Variants in SBF2 observed in about 807,000 individuals in gnomAD.
SBF2 encodes the protein SET binding factor 2.
SBF2 carries 112 observed loss-of-function variants against 225.2 expected under a neutral mutation model. The observed-to-expected ratio is 0.50, with a 90% CI of 0.43 to 0.58. The LOEUF is 0.58. Ranked by LOEUF, SBF2 falls within the 20% of genes least tolerant of loss-of-function variation. The pLI is 0.00. For missense variants in SBF2, 1,996 were observed against 2,206.2 expected (o/e 0.90, Z 1.91); for synonymous variants, 763 against 773.3 (o/e 0.99, Z 0.22).
At chr11:10,231,851 T>G (rs1958863073) in intron 1 of SBF2, among the ~76,000 whole-genome samples, 2 of 152,192 alleles carry the variant, frequency 1.3e-5, no homozygotes, top group South Asian at 4.1e-4. Flanking sequence ...ACAGGGACAT[T>G]TAGGTCTGCA....
At chr11:9,904,972 T>C (rs1415350379) in intron 16 of SBF2, among the ~76,000 whole-genome samples, 1 of 152,200 alleles carries the variant, frequency 6.6e-6, no homozygotes, top group African/African-American at 2.4e-5. Flanking sequence ...CAGTGAGCCA[T>C]GATTGTATCA....
At chr11:9,791,799 G>A (rs539959388) in intron 33 of SBF2, among the ~76,000 whole-genome samples, 1 of 152,352 alleles carries the variant, frequency 6.6e-6, no homozygotes, top group South Asian at 2.1e-4. Flanking sequence ...GTGGTAGTCA[G>A]CCCAAGTTGA....
intron 2 of SBF2, among the ~76,000 whole-genome samples, chr11:10,148,860 G>C (rs1298066018): frequency 6.6e-6 from 1 of 152,110 alleles, no homozygotes; most frequent in Admixed American, 6.5e-5. Context: ...CCCTAATTTT[G>C]TTCTCCAGGA....
At chr11:10,252,525 C>T (rs1160306897) in intron 1 of SBF2, among the ~76,000 whole-genome samples, 5 of 152,192 alleles carry the variant, frequency 3.3e-5, no homozygotes, top group Admixed American at 6.5e-5. Flanking sequence ...AAACGCTGGC[C>T]GGGCGCGGTG....
At chr11:9,987,004 GA>G (rs1947225414) in intron 13 of SBF2, among the ~76,000 whole-genome samples, 2 of 152,104 alleles carry the variant, frequency 1.3e-5, no homozygotes, top group South Asian at 4.1e-4. Context: ...TATCCTTGAT[GA>G]ACACAGATGC....
chr11:10,107,560 C>A (rs1952608253), intron 2 of SBF2, among the ~76,000 whole-genome samples: 1 of 152,094 alleles, frequency 6.6e-6, no homozygotes, highest in Non-Finnish European at 1.5e-5. Context: ...GGCCAGGGTC[C>A]AAAATCAAAG....
At chr11:9,999,057 A>C (rs1301037255) in intron 8 of SBF2, among the ~76,000 whole-genome samples, 3 of 152,194 alleles carry the variant, frequency 2.0e-5, no homozygotes, top group African/African-American at 7.2e-5. Flanking sequence ...GAAAAAGCTG[A>C]TCTTTAGCAT....
chr11:10,175,126 A>C (rs1956396598), intron 2 of SBF2, among the ~76,000 whole-genome samples: 1 of 150,792 alleles, frequency 6.6e-6, no homozygotes. Flanking sequence ...TAACCAGCTA[A>C]CATCATAATG....
chr11:9,862,534 TTACTC>T (rs1442456105), intron 17 of SBF2, among the ~76,000 whole-genome samples: 1 of 152,216 alleles, frequency 6.6e-6, no homozygotes, highest in African/African-American at 2.4e-5. Context: ...AAGCTTTCCA[TTACTC>T]TACGTTGTTT....
chr11:10,089,728 C>G (rs1045643445), intron 2 of SBF2, among the ~76,000 whole-genome samples: 3 of 151,180 alleles, frequency 2.0e-5, no homozygotes, highest in African/African-American at 7.2e-5. Flanking sequence ...TCAAAAATTT[C>G]TGGTCCACAA....
At chr11:10,176,071 A>T (rs544812826) in intron 2 of SBF2, among the ~76,000 whole-genome samples, 1 of 125,038 alleles carries the variant, frequency 8.0e-6, no homozygotes, top group East Asian at 2.0e-4. Context: ...GAAAGATCCA[A>T]ACCGGCTCCT....
chr11:10,071,327 C>T (rs1409849455), intron 2 of SBF2, among the ~76,000 whole-genome samples: 1 of 135,010 alleles, frequency 7.4e-6, no homozygotes. Flanking sequence ...AGTGTGGTGG[C>T]GTGATCTGAG....
At chr11:10,166,961 CCACA>C (rs373552790) in intron 2 of SBF2, among the ~76,000 whole-genome samples, 3 of 125,954 alleles carry the variant, frequency 2.4e-5, no homozygotes, top group East Asian at 3.5e-4. Flanking sequence ...GACTCTGTCT[CCACA>C]CACACACACA....
At chr11:10,008,963 G>A (rs1948322871) in intron 6 of SBF2, among the ~76,000 whole-genome samples, 1 of 152,210 alleles carries the variant, frequency 6.6e-6, no homozygotes. Context: ...CACATAACCA[G>A]GAGGTTTACT....
chr11:9,991,497 C>G (rs1947436744), intron 12 of SBF2, among the ~76,000 whole-genome samples: 1 of 152,120 alleles, frequency 6.6e-6, no homozygotes, highest in Non-Finnish European at 1.5e-5. Context: ...CCACGATTCT[C>G]CAATATCTTG....
intron 14 of SBF2, among the ~76,000 whole-genome samples, chr11:9,967,389 A>C (rs1866989772): frequency 6.6e-6 from 1 of 151,374 alleles, no homozygotes; most frequent in South Asian, 2.1e-4. Flanking sequence ...AAAAAAAAAG[A>C]AACGAAATGC....
chr11:9,825,516 T>TGA (rs1855013066), intron 28 of SBF2, among the ~76,000 whole-genome samples: 2 of 152,262 alleles, frequency 1.3e-5, no homozygotes, highest in East Asian at 3.9e-4. Context: ...ATTGGAAAGA[T>TGA]GACTCAAGGA....
intron 2 of SBF2, among the ~76,000 whole-genome samples, chr11:10,146,837 T>C (rs1406435386): frequency 6.6e-6 from 1 of 152,136 alleles, no homozygotes; most frequent in Non-Finnish European, 1.5e-5. Flanking sequence ...AAAGGTCTAA[T>C]ATTCAGCAAC....
chr11:10,268,998 T>A (rs1193761303), intron 1 of SBF2, among the ~76,000 whole-genome samples: 2 of 152,174 alleles, frequency 1.3e-5, no homozygotes, highest in Non-Finnish European at 2.9e-5. Context: ...AATACCTCAT[T>A]AAGTGATTTT....
Sources: gnomAD v4.1 joint callset for allele counts (sites outside exome capture counted in the v4.1 genomes callset) on GRCh38, gnomAD v4.1.1 for gene constraint, MANE v1.5 for transcripts, NCBI Gene and HGNC (gene_info 2026-07-23, HGNC 2026-07-21) for gene names.